The following NBPF26 variants were observed in gnomAD, a reference collection of about 807,000 sequenced individuals.
The protein encoded by NBPF26 is NBPF member 26.
In NBPF26, 79 loss-of-function variants were observed where a neutral mutation model predicts 119.6. The observed-to-expected ratio is 0.66, with a 90% CI of 0.55 to 0.80. NBPF26 has a LOEUF of 0.80. NBPF26 is among the 30% of genes least tolerant of loss of function. The pLI is 0.00. For synonymous variants in NBPF26, 299 were observed against 457.7 expected, an observed-to-expected ratio of 0.65 and a Z score of 4.43; for missense variants, 800 against 1,198.2, an observed-to-expected ratio of 0.67 and a Z score of 4.91.
rs1169304874 is a variant in NBPF26, at chr1:120,793,643, T to G, written c.751+147T>G. 9.9e-6 allele frequency: 6 copies of G among 607,320 alleles called. 1 individual carries two copies. In the African/African-American group the frequency reaches 1.6e-4, roughly 16 times the overall value. 37.6% of individuals were successfully genotyped at this position (607,320 alleles called of 1,614,324 possible). ...GGGTGGGTTGCTAGTGAGGGAGGAG[T>G]TTTATGGGCCCACTGTGGTCCATAA... On this transcript the variant is annotated intron_variant, in intron 4 of 29. Coordinates refer to ENST00000620612, the Ensembl canonical transcript of NBPF26.
intron 10 of NBPF26, among the ~76,000 whole-genome samples, chr1:120,812,551 G>T: frequency 2.9e-5 from 1 of 34,694 alleles, no homozygotes. Flanking sequence ...GGTGATAGTA[G>T]CCAGTACCTG....
intron 17 of NBPF26, among the ~76,000 whole-genome samples, chr1:120,823,644 G>A (rs1211400603): frequency 2.4e-5 from 3 of 124,674 alleles, no homozygotes; most frequent in Non-Finnish European, 4.9e-5. Flanking sequence ...AATTATTGAG[G>A]ACATGCTTTT....
chr1:120,804,878 G>A (rs1651642021), intron 4 of NBPF26, among the ~76,000 whole-genome samples: 1 of 120,160 alleles, frequency 8.3e-6, no homozygotes, highest in East Asian at 2.0e-4. Context: ...ACTTTCTAGT[G>A]GATACAGAAA....
chr1:120,811,193 A>G (rs1651855493), intron 9 of NBPF26, among the ~76,000 whole-genome samples: 2 of 104,994 alleles, frequency 1.9e-5, no homozygotes, highest in African/African-American at 1.2e-4. Context: ...GCTTGCAGTG[A>G]GCCAAGATTG....
At chr1:120,814,524 G>A (rs1278357445) in intron 11 of NBPF26, among the ~76,000 whole-genome samples, 3,534 of 115,574 alleles carry the variant, frequency 0.031, 63 homozygotes, top group East Asian at 0.073. Context: ...AATGTCCATG[G>A]CCAGAGTGAG....
chr1:120,810,602 T>C, intron 9 of NBPF26, 44 bp downstream of exon 9: 2 of 1,362,636 alleles, frequency 1.5e-6, no homozygotes, highest in South Asian at 1.2e-5. Context: ...GTCTAGGCTA[T>C]GGAAGGTCAA....
In NBPF26 at chr1:120,804,917, G is replaced by A. The variant is rs1651643674; in HGVS notation, c.752-639G>A. Among the ~76,000 whole-genome samples the A allele has an allele frequency of 1.7e-5, 2 of 119,764 alleles. 1 individual carries two copies. Among genetic ancestry groups the A allele is most frequent in the African/African-American group, 9.0e-5 (2 of 22,170 alleles). The allele number at this position is 119,764 out of a possible 152,430, so 78.6% of individuals were successfully genotyped here. ...CTGCAGAAGACCCGGAGGATATCAG[G>A]GCAGGCTAAAAGTTTGATATCTTAC... On this transcript the variant is annotated intron_variant, in intron 4 of 29. Transcript: ENST00000620612.
At position 120,840,510 on chromosome 1, in the gene NBPF26, C is replaced by G. The variant is rs1553273530; in HGVS notation, c.4264C>G (p.Leu1422Val). The change falls in exon 30 of 30, where the codon CTT becomes GTT. Residue 1422 changes from leucine (L) to valine (V), a missense_variant. Physicochemically the swap from Leu to Val is conservative, Grantham distance 32. This residue lies in a region of NBPF26 where 155 missense variants were observed against 95.9 expected (regional missense o/e 1.62). Transcript: ENST00000620612. ...TGAGGAAGAGCATATCAGCTTCGCC[C>G]TTTACGTGGACAATAGGTTTTTTAC... 93 of 1,475,900 alleles carry G rather than the reference C, an allele frequency of 6.3e-5. 16 individuals are homozygous for G. The highest frequency in any genetic ancestry group is 5.7e-4 in the South Asian group (48 of 84,932). The allele number at this position is 1,475,900 out of a possible 1,614,324, so 91.4% of individuals were successfully genotyped here.
chr1:120,729,879 T>TTTTG (rs1405631196), intron 1 of NBPF26, among the ~76,000 whole-genome samples: 21 of 103,854 alleles, frequency 2.0e-4, no homozygotes, highest in South Asian at 8.8e-4. Context: ...AAGTGTTTGT[T>TTTTG]TTTGTTTGTT....
Position 120,840,451 on chromosome 1 carries a change from C to G in NBPF26, c.4205C>G (p.Ser1402Ter), listed in dbSNP as rs1652491126. The stretch of plus-strand genomic sequence containing the variant: ...TCAATGTACTTTGAACTACCTGACT[C>G]ATTCCAGCACTACAGAAGTGTGTTT... Residue 1402 changes from serine to a stop codon, truncating the protein, a stop_gained, in exon 30 of 30, where the codon TCA (serine) becomes TGA (stop). Transcript: ENST00000620612. LOFTEE classifies it low-confidence loss of function (END_TRUNC). 2 of 1,476,484 alleles carry G rather than the reference C, an allele frequency of 1.4e-6. No homozygotes were observed. Among genetic ancestry groups the G allele is most frequent in the South Asian group, 1.2e-5 (1 of 84,942 alleles). 91.5% of individuals were successfully genotyped at this position (1,476,484 alleles called of 1,614,324 possible). A position where few individuals can be genotyped will look rare whatever the true frequency, so the allele number is the denominator to read the frequency against.
chr1:120,793,282 T>A lies in NBPF26; in HGVS notation c.537T>A (p.Cys179Ter). 7.2e-7 allele frequency: 1 copy of A among 1,392,576 alleles called. No homozygotes were observed. The highest frequency in any genetic ancestry group is 2.8e-5 in the African/African-American group (1 of 36,044). 86.3% of individuals were successfully genotyped at this position (1,392,576 alleles called of 1,614,324 possible). The change falls in exon 4 of 30, where the codon TGT becomes TGA. Residue 179 changes from cysteine (C) to a stop codon, truncating the protein, a stop_gained. Transcript: ENST00000620612. LOFTEE classifies it high-confidence loss of function. ...TCACAGGCTTCACAGGGCAGAAGTG[T>A]GAGACTGATGTCAATGAGTGTGACA...
rs1277106583 is a variant in NBPF26, at chr1:120,764,186, G to A, written c.155+477G>A. Among the ~76,000 whole-genome samples the A allele has an allele frequency of 5.2e-5, 6 of 115,100 alleles. 1 individual carries two copies. The highest frequency in any genetic ancestry group is 1.0e-4 in the Non-Finnish European group (6 of 59,770). The allele number at this position is 115,100 out of a possible 152,430, so 75.5% of individuals were successfully genotyped here. A position where few individuals can be genotyped will look rare whatever the true frequency, so the allele number is the denominator to read the frequency against. ...GACTTGAACCCAGGAGGCGGAGGTT[G>A]CAGTGAGCTGAGACCACATCATTGC... On this transcript the variant is annotated intron_variant, in intron 2 of 29. Coordinates refer to ENST00000620612, the Ensembl canonical transcript of NBPF26.
intron 5 of NBPF26, among the ~76,000 whole-genome samples, chr1:120,806,017 A>G (rs1404553055): frequency 9.2e-6 from 1 of 108,944 alleles, no homozygotes; most frequent in African/African-American, 5.1e-5. Flanking sequence ...TAACACAGGC[A>G]CAGAATGACC....
At position 120,814,890 on chromosome 1, in the gene NBPF26, C is replaced by T. The variant is rs1553271544; in HGVS notation, c.1939C>T (p.Arg647Trp). The T allele has an allele frequency of 1.9e-4, 243 of 1,259,014 alleles. 38 individuals are homozygous for T. The highest frequency in any genetic ancestry group is 6.7e-4 in the African/African-American group (28 of 41,988). 78.0% of individuals were successfully genotyped at this position (1,259,014 alleles called of 1,614,324 possible). A position where few individuals can be genotyped will look rare whatever the true frequency, so the allele number is the denominator to read the frequency against. The stretch of plus-strand genomic sequence containing the variant: ...GCTGACCCAGTTAAGGGAGAAGTTG[C>T]GGGAAGGGAGAGATGCCTCCCGCTC... Residue 647 changes from arginine (R) to tryptophan (W), a missense_variant, in exon 12 of 30, where the codon CGG becomes TGG. Transcript: ENST00000620612.
chr1:120,810,014 C>T (rs1651819188), intron 8 of NBPF26, 131 bp downstream of exon 8: 1 of 1,362,016 alleles, frequency 7.3e-7, no homozygotes, highest in Non-Finnish European at 1.0e-6. Flanking sequence ...AAATTCAACC[C>T]AGCTTAGACA....
chr1:120,763,673 T>A lies in NBPF26; in HGVS notation c.119T>A (p.Met40Lys). ...TATGAACCCTGTGTAAATAAAGGAATGTGTGTTACCTACCACAGTGGCACA... is the reference window on the plus strand; with the variant it reads ...TATGAACCCTGTGTAAATAAAGGAAAGTGTGTTACCTACCACAGTGGCACA... The change falls in exon 2 of 30, where the codon ATG becomes AAG. Residue 40 changes from methionine (M) to lysine (K), a missense_variant. This residue lies in a region of NBPF26 where 209 missense variants were observed against 285.2 expected (regional missense o/e 0.73). Coordinates refer to ENST00000620612, the Ensembl canonical transcript of NBPF26. 6 of 1,419,806 alleles carry A rather than the reference T, an allele frequency of 4.2e-6. 1 individual carries two copies. The South Asian group carries it at 7.3e-5, about 17-fold the overall frequency. The allele number at this position is 1,419,806 out of a possible 1,614,324, so 88.0% of individuals were successfully genotyped here. A position where few individuals can be genotyped will look rare whatever the true frequency, so the allele number is the denominator to read the frequency against.
In NBPF26 at chr1:120,813,449, G is replaced by A. The variant is rs1482765000; in HGVS notation, c.1775-442G>A. 2.4e-3 allele frequency among the ~76,000 whole-genome samples: 301 copies of A among 126,994 alleles called. 12 individuals are homozygous for A. Among genetic ancestry groups the A allele is most frequent in the African/African-American group, 9.5e-3 (254 of 26,736 alleles). 83.3% of individuals were successfully genotyped at this position (126,994 alleles called of 152,430 possible). A position where few individuals can be genotyped will look rare whatever the true frequency, so the allele number is the denominator to read the frequency against. On this transcript the variant is annotated intron_variant, in intron 10 of 29. Coordinates refer to ENST00000620612, the Ensembl canonical transcript of NBPF26. Reference sequence around the variant, plus strand: ...AAATCAAAGATTTTAAAAATCTTTCGCATACTTGTCCTTGAAATTCCCAGT... The same window carrying A: ...AAATCAAAGATTTTAAAAATCTTTCACATACTTGTCCTTGAAATTCCCAGT...
chr1:120,790,664 G>T (rs1282448058), intron 3 of NBPF26, among the ~76,000 whole-genome samples: 1 of 107,022 alleles, frequency 9.3e-6, no homozygotes, highest in Non-Finnish European at 1.7e-5. Flanking sequence ...CAGTGGCGCA[G>T]TCTCGGCTCA....
At chr1:120,805,084 A>G (rs1290102755) in intron 4 of NBPF26, among the ~76,000 whole-genome samples, 1 of 123,444 alleles carries the variant, frequency 8.1e-6, no homozygotes, top group African/African-American at 4.0e-5. Context: ...AGTGAGGAAT[A>G]TGCTTAGATG....
Sources: gnomAD v4.1 joint callset for allele counts (sites outside exome capture counted in the v4.1 genomes callset) on GRCh38, gnomAD v4.1.1 for gene constraint, gnomAD v4.1.1 regional missense constraint, MANE v1.5 for transcripts, NCBI Gene and HGNC (gene_info 2026-07-23, HGNC 2026-07-21) for gene names.